TTC6: variants seen among roughly 807,000 people sequenced by gnomAD.
TTC6 encodes the protein tetratricopeptide repeat protein 6.
TTC6 carries 172 observed loss-of-function variants against 210.4 expected under a neutral mutation model. That is an observed-to-expected ratio of 0.82 (90% CI 0.72 to 0.93). The LOEUF is 0.93. TTC6 is among the 40% of genes least tolerant of loss of function. The pLI, the probability that TTC6 is intolerant of heterozygous loss-of-function variation, is 0.00. For synonymous variants in TTC6, 804 were observed against 819.6 expected (o/e 0.98, Z 0.32); for missense variants, 2,414 against 2,318.1 (o/e 1.04, Z -0.85).
chr14:37,685,072 A>C (rs1047903126), intron 3 of TTC6, among the ~76,000 whole-genome samples: 2 of 152,228 alleles, frequency 1.3e-5, no homozygotes, highest in Non-Finnish European at 2.9e-5. Flanking sequence ...CATGACGAAC[A>C]AAAGAAAGTT....
intron 1 of TTC6, among the ~76,000 whole-genome samples, chr14:37,670,632 G>A (rs532632908): frequency 3.6e-4 from 55 of 151,624 alleles, no homozygotes; most frequent in Non-Finnish European, 5.9e-4. Context: ...CATCATGCCC[G>A]GCTAATTTTT....
In TTC6 at chr14:37,823,736, T is replaced by C. The variant is rs2096163523; in HGVS notation, c.4764-11T>C. ...TCACCAGAAGGCATCAATATTTTTATTTATTTGCAGAATTAATGAGTTTGA... is the reference window on the plus strand; with the variant it reads ...TCACCAGAAGGCATCAATATTTTTACTTATTTGCAGAATTAATGAGTTTGA... On this transcript the variant is annotated splice_polypyrimidine_tract_variant and intron_variant, in intron 26 of 30. Transcript: ENST00000553443. 1.9e-6 allele frequency: 3 copies of C among 1,610,364 alleles called. No homozygotes were observed. Among genetic ancestry groups the C allele is most frequent in the African/African-American group, 1.3e-5 (1 of 74,888 alleles).
intron 3 of TTC6, among the ~76,000 whole-genome samples, chr14:37,691,545 A>G (rs1380941865): frequency 3.3e-5 from 5 of 152,216 alleles, no homozygotes; most frequent in African/African-American, 1.2e-4. Flanking sequence ...CAACAAAAGT[A>G]GTACTAAGAG....
At chr14:37,631,824 T>A (rs1379356732) in intron 1 of TTC6, among the ~76,000 whole-genome samples, 2 of 152,198 alleles carry the variant, frequency 1.3e-5, no homozygotes, top group African/African-American at 4.8e-5. Context: ...TTCATTCTTT[T>A]TTCTCTAATC....
chr14:37,765,970 C>A (rs2095998000), intron 14 of TTC6, among the ~76,000 whole-genome samples: 1 of 151,952 alleles, frequency 6.6e-6, no homozygotes, highest in Non-Finnish European at 1.5e-5. Context: ...ATATTCTCTC[C>A]CACACCATCC....
At chr14:37,828,207 C>T (rs1440105377) in intron 29 of TTC6, among the ~76,000 whole-genome samples, 1 of 152,008 alleles carries the variant, frequency 6.6e-6, no homozygotes, top group African/African-American at 2.4e-5. Flanking sequence ...ATGATATTTT[C>T]TATTTTTTGA....
At chr14:37,643,748 T>C (rs903494043) in intron 1 of TTC6, among the ~76,000 whole-genome samples, 1 of 152,192 alleles carries the variant, frequency 6.6e-6, no homozygotes, top group African/African-American at 2.4e-5. Context: ...CCTCATCATT[T>C]CAGCCAAATT....
chr14:37,731,466 C>T (rs918170861), intron 7 of TTC6, among the ~76,000 whole-genome samples: 11 of 152,242 alleles, frequency 7.2e-5, no homozygotes, highest in South Asian at 2.1e-4. Context: ...CTTTACAGTA[C>T]GACAGTTGAA....
chr14:37,711,528 T>C (rs1488903147), intron 5 of TTC6, among the ~76,000 whole-genome samples: 1 of 152,158 alleles, frequency 6.6e-6, no homozygotes, highest in East Asian at 1.9e-4. Context: ...TTTGCCTGTT[T>C]CCCCTATTGC....
chr14:37,698,734 A>G lies in TTC6; in HGVS notation c.1376+1899A>G, dbSNP rs139692601. ...CTCTATTAATGATTCAATAGTGTCC[A>G]TATGGGGCCTGGCAATGGGTCAGGT... is the stretch of plus-strand genomic sequence containing the variant. On this transcript the variant is annotated intron_variant, in intron 4 of 30. Coordinates refer to ENST00000553443, the Ensembl canonical transcript of TTC6. Among the ~76,000 whole-genome samples, 1,041 of 152,316 alleles carry G rather than the reference A, an allele frequency of 6.8e-3. 12 individuals are homozygous for G. Among genetic ancestry groups the G allele is most frequent in the African/African-American group, 0.024 (982 of 41,586 alleles).
At chr14:37,829,428 T>C (rs1268575893) in intron 29 of TTC6, among the ~76,000 whole-genome samples, 7 of 151,746 alleles carry the variant, frequency 4.6e-5, no homozygotes, top group Admixed American at 1.3e-4. Context: ...GTTGTAGTGA[T>C]TATCTTTATA....
At chr14:37,732,339 C>T (rs1025131089) in intron 7 of TTC6, among the ~76,000 whole-genome samples, 2 of 151,096 alleles carry the variant, frequency 1.3e-5, no homozygotes, top group Non-Finnish European at 2.9e-5. Context: ...CCCGCCACCA[C>T]GCCTTGCTAA....
At chr14:37,824,716 C>G (rs952575984) in intron 27 of TTC6, among the ~76,000 whole-genome samples, 2 of 152,092 alleles carry the variant, frequency 1.3e-5, no homozygotes, top group Non-Finnish European at 2.9e-5. Flanking sequence ...AATAACCTAG[C>G]TTTGTTTGAG....
chr14:37,772,650 G>GCCCTGCTTCGGCCCTCA (rs2096023561), intron 14 of TTC6: 1 of 153,662 alleles, frequency 6.5e-6, no homozygotes, highest in African/African-American at 2.4e-5. Context: ...GCAATGCCTC[G>GCCCTGCTTCGGCCCTCA]CCCTGCTTCG....
chr14:37,725,089 A>G (rs71407722), intron 7 of TTC6, 87 bp downstream of exon 9: 50,707 of 703,310 alleles, frequency 0.072, 2,195 homozygotes, highest in Non-Finnish European at 0.087. Flanking sequence ...ATTCAATTTT[A>G]CTGGCCATTT....
At chr14:37,667,451 C>G (rs2095750383) in intron 1 of TTC6, among the ~76,000 whole-genome samples, 1 of 150,244 alleles carries the variant, frequency 6.7e-6, no homozygotes, top group African/African-American at 2.4e-5. Flanking sequence ...CTCTGCTCAT[C>G]AAGCTTAACT....
At chr14:37,744,243 T>C (rs532289805) in intron 10 of TTC6, among the ~76,000 whole-genome samples, 7 of 152,264 alleles carry the variant, frequency 4.6e-5, no homozygotes, top group East Asian at 3.9e-4. Context: ...ACAAGGAGCA[T>C]AGGGCAAGGA....
chr14:37,724,656 G>T (rs541146287), intron 6 of TTC6, among the ~76,000 whole-genome samples: 1 of 152,080 alleles, frequency 6.6e-6, no homozygotes. Flanking sequence ...TACTCTACTA[G>T]ATATGGCCAA....
chr14:37,806,436 A>C, exon 22 of TTC6: 1 of 1,535,748 alleles, frequency 6.5e-7, no homozygotes, highest in Non-Finnish European at 8.7e-7. Flanking sequence ...AGGGCTTTGT[A>C]AAGTGAAACT....
Sources: allele counts gnomAD v4.1 joint callset (sites outside exome capture counted in the v4.1 genomes callset), GRCh38; gene constraint gnomAD v4.1.1; transcripts MANE v1.5; gene names NCBI Gene and HGNC (gene_info 2026-07-23, HGNC 2026-07-21).